The following DNAJC6 variants were observed in gnomAD, a reference collection of about 807,000 sequenced individuals.
The protein encoded by DNAJC6 is auxilin.
DNAJC6 carries 34 observed loss-of-function variants against 110.0 expected under a neutral mutation model. The observed-to-expected ratio is 0.31, with a 90% CI of 0.24 to 0.41. The LOEUF (loss-of-function observed/expected upper bound fraction) is 0.41. Ranked by LOEUF, DNAJC6 falls within the 10% of genes least tolerant of loss-of-function variation. The pLI is 1.00. For synonymous variants in DNAJC6, 406 were observed against 437.2 expected (o/e 0.93, Z 0.89); for missense variants, 1,031 against 1,207.8 (o/e 0.85, Z 2.17).
chr1:65,325,009 A>C (rs564781693), intron 1 of DNAJC6, among the ~76,000 whole-genome samples: 1 of 152,316 alleles, frequency 6.6e-6, no homozygotes, highest in African/African-American at 2.4e-5. Context: ...AGCTAATGGT[A>C]CTTAGTGGTC....
chr1:65,403,160 G>A (rs1646044979), intron 15 of DNAJC6, among the ~76,000 whole-genome samples: 1 of 152,096 alleles, frequency 6.6e-6, no homozygotes, highest in South Asian at 2.1e-4. Flanking sequence ...ATAGTTATTG[G>A]GGCCTTACTA....
intron 1 of DNAJC6, among the ~76,000 whole-genome samples, chr1:65,299,156 A>G (rs1244952466): frequency 6.6e-6 from 1 of 152,258 alleles, no homozygotes; most frequent in East Asian, 1.9e-4. Flanking sequence ...AAAAAGATAG[A>G]ATAATAAAAT....
At chr1:65,278,841 C>T (rs1653757051) in intron 1 of DNAJC6, among the ~76,000 whole-genome samples, 1 of 152,104 alleles carries the variant, frequency 6.6e-6, no homozygotes, top group African/African-American at 2.4e-5. Flanking sequence ...TCTGACTTTC[C>T]TAACTCATTG....
At chr1:65,326,637 G>A (rs1645244251) in intron 1 of DNAJC6, among the ~76,000 whole-genome samples, 1 of 152,150 alleles carries the variant, frequency 6.6e-6, no homozygotes, top group African/African-American at 2.4e-5. Flanking sequence ...CCCCAGAAGT[G>A]AGCACCTCCT....
upstream of DNAJC6, among the ~76,000 whole-genome samples, chr1:65,306,972 T>TTCTCTCTC (rs144458447): frequency 2.2e-4 from 20 of 90,382 alleles, no homozygotes; most frequent in South Asian, 4.2e-4. Context: ...CTCAATCTGT[T>TTCTCTCTC]TCTCTCTCTC....
At chr1:65,373,558 T>C (rs1645728865) in intron 4 of DNAJC6, among the ~76,000 whole-genome samples, 1 of 152,228 alleles carries the variant, frequency 6.6e-6, no homozygotes, top group Non-Finnish European at 1.5e-5. Context: ...CATATAACTG[T>C]ATGCCATTTC....
intron 1 of DNAJC6, among the ~76,000 whole-genome samples, chr1:65,335,448 A>G (rs1645327318): frequency 6.6e-6 from 1 of 152,206 alleles, no homozygotes; most frequent in South Asian, 2.1e-4. Context: ...CTTTTGTAGT[A>G]GATAGAGACA....
chr1:65,409,182 C>T (rs1227402379), intron 17 of DNAJC6, among the ~76,000 whole-genome samples: 1 of 152,128 alleles, frequency 6.6e-6, no homozygotes, highest in Non-Finnish European at 1.5e-5. Context: ...CTCCTAATAC[C>T]ATCACCTCTG....
In DNAJC6 at chr1:65,401,899, A is replaced by G. The variant is rs1646033530; in HGVS notation, c.2227+19A>G. ...ACACTAGGTACAAACTCAGAAGATCAAGATACAAATAACATTTATTTATAG... is the reference window on the plus strand; with the variant it reads ...ACACTAGGTACAAACTCAGAAGATCGAGATACAAATAACATTTATTTATAG... On this transcript the variant is annotated intron_variant, in intron 15 of 18. Transcript: ENST00000371069. 5.0e-6 allele frequency: 8 copies of G among 1,611,654 alleles called. No individual in the cohort carries two copies. The highest frequency in any genetic ancestry group is 1.3e-5 in the African/African-American group (1 of 74,816).
At chr1:65,371,101 A>G (rs1009367754) in intron 4 of DNAJC6, among the ~76,000 whole-genome samples, 2 of 152,220 alleles carry the variant, frequency 1.3e-5, no homozygotes, top group Admixed American at 6.5e-5. Context: ...AACCCTGGTA[A>G]AATACAGCCA....
intron 1 of DNAJC6, among the ~76,000 whole-genome samples, chr1:65,303,409 T>A (rs1645008019): frequency 6.6e-6 from 1 of 152,226 alleles, no homozygotes; most frequent in African/African-American, 2.4e-5. Context: ...AATCTTGGGG[T>A]ATCTTAAGAT....
intron 4 of DNAJC6, among the ~76,000 whole-genome samples, chr1:65,374,413 C>T (rs574628980): frequency 6.6e-6 from 1 of 152,258 alleles, no homozygotes; most frequent in East Asian, 1.9e-4. Context: ...AATCCATGAG[C>T]ATGGAATACC....
chr1:65,277,146 G>T (rs376576573), intron 1 of DNAJC6, among the ~76,000 whole-genome samples: 232 of 150,516 alleles, frequency 1.5e-3, no homozygotes, highest in African/African-American at 5.2e-3. Context: ...GTTTTTTTTT[G>T]TTTGTTTTAA....
chr1:65,300,169 A>C (rs72679445), intron 1 of DNAJC6, among the ~76,000 whole-genome samples: 4,484 of 152,222 alleles, frequency 0.029, 86 homozygotes, highest in Non-Finnish European at 0.049. Context: ...AATAATAACT[A>C]AGTAGTTTGT....
intron 1 of DNAJC6, among the ~76,000 whole-genome samples, chr1:65,311,157 C>G (rs551498428): frequency 8.3e-5 from 12 of 144,214 alleles, no homozygotes; most frequent in African/African-American, 3.1e-4. Context: ...GGGACATTCT[C>G]TTAGACCATT....
intron 4 of DNAJC6, among the ~76,000 whole-genome samples, chr1:65,376,312 A>C (rs572757159): frequency 6.9e-6 from 1 of 144,012 alleles, no homozygotes; most frequent in Non-Finnish European, 1.5e-5. Context: ...AGGTTTATTG[A>C]TTTTGTATAT....
chr1:65,330,471 T>G lies in DNAJC6; in HGVS notation c.193+20533T>G, dbSNP rs530380675. Reference sequence around the variant, plus strand: ...TGAAAGTCTATTTCTTTTTTTTTTGTTTTGTTTTGTTTTTTGAGACGGAGT... The same window carrying G: ...TGAAAGTCTATTTCTTTTTTTTTTGGTTTGTTTTGTTTTTTGAGACGGAGT... On this transcript the variant is annotated intron_variant, in intron 1 of 18. Transcript: ENST00000371069. Among the ~76,000 whole-genome samples the G allele has an allele frequency of 3.1e-3, 466 of 152,016 alleles. 3 individuals are homozygous for G. Among genetic ancestry groups the G allele is most frequent in the African/African-American group, 8.9e-3 (367 of 41,458 alleles).
chr1:65,410,487 TA>T (rs1646118471), intron 17 of DNAJC6, among the ~76,000 whole-genome samples: 1 of 152,356 alleles, frequency 6.6e-6, no homozygotes, highest in Admixed American at 6.5e-5. Context: ...TTATTTCATT[TA>T]AACCATGTTT....
chr1:65,264,768 C>A lies in DNAJC6; in HGVS notation c.-295C>A, dbSNP rs574921430. On this transcript the variant is annotated 5_prime_UTR_variant, in exon 1 of 20. Coordinates refer to the DNAJC6 transcript ENST00000263441. ...AATTATAACCCCGCACACCGACTTG[C>A]ATGCAATTATCATAGCCCGAGTGCT... 6.1e-6 allele frequency: 9 copies of A among 1,472,940 alleles called. No homozygotes were observed. In the East Asian group the frequency reaches 1.0e-4, roughly 17 times the overall value. 91.2% of individuals were successfully genotyped at this position (1,472,940 alleles called of 1,614,324 possible). A position where few individuals can be genotyped will look rare whatever the true frequency, so the allele number is the denominator to read the frequency against.
Sources: allele counts gnomAD v4.1 joint callset (sites outside exome capture counted in the v4.1 genomes callset), GRCh38; gene constraint gnomAD v4.1.1; transcripts MANE v1.5; gene names NCBI Gene and HGNC (gene_info 2026-07-23, HGNC 2026-07-21).